OSBPL5: variants seen among roughly 807,000 people sequenced by gnomAD.
OSBPL5 encodes the protein oxysterol binding protein like 5, also known as oxysterol-binding protein-related protein 5.
Under a neutral mutation model 111.2 loss-of-function variants are expected in OSBPL5, and 71 were observed. That is an observed-to-expected ratio of 0.64 (90% confidence interval 0.53 to 0.78). OSBPL5 has a LOEUF of 0.78. Among genes scored for constraint, OSBPL5 ranks in the 30% least tolerant of loss-of-function variants. The pLI is 0.00. For missense variants in OSBPL5, 1,210 were observed against 1,189.3 expected (o/e 1.02, Z -0.26); for synonymous variants, 549 against 513.9 (o/e 1.07, Z -0.93).
Position 3,092,770 on chromosome 11 carries a change from G to T in OSBPL5, c.2132+97C>A. 1 of 1,423,382 alleles carries T rather than the reference G, an allele frequency of 7.0e-7. No individual in the cohort carries two copies. Among genetic ancestry groups the T allele is most frequent in the Non-Finnish European group, 9.3e-7 (1 of 1,070,100 alleles). 88.2% of individuals were successfully genotyped at this position (1,423,382 alleles called of 1,614,324 possible). On this transcript the variant is annotated intron_variant, in intron 18 of 21. Transcript: ENST00000263650. The surrounding 1 kb of genome is among the most constrained non-coding windows in gnomAD (Gnocchi z 5.4). ...CACCGACTCCTCCAGGGGACAGGCTGAAGGTGAGAGGGAAGCCAGGAGCCC... is the reference window on the plus strand; with the variant it reads ...CACCGACTCCTCCAGGGGACAGGCTTAAGGTGAGAGGGAAGCCAGGAGCCC...
intron 3 of OSBPL5, among the ~76,000 whole-genome samples, chr11:3,125,867 A>C (rs1346949265): frequency 6.6e-6 from 1 of 151,636 alleles, no homozygotes; most frequent in African/African-American, 2.4e-5. Flanking sequence ...CTGTAGTCCC[A>C]GCTCCTCGGG....
At chr11:3,155,461 T>A (rs1367824877) in intron 1 of OSBPL5, among the ~76,000 whole-genome samples, 1 of 143,222 alleles carries the variant, frequency 7.0e-6, no homozygotes, top group Non-Finnish European at 1.5e-5. Flanking sequence ...TCACCCTAGC[T>A]CTGCCACTCA....
chr11:3,103,905 C>CTCTGCAGT (rs1275438193), intron 10 of OSBPL5, among the ~76,000 whole-genome samples: 1 of 141,770 alleles, frequency 7.1e-6, no homozygotes, highest in African/African-American at 2.8e-5. Context: ...CCTCTGCAGC[C>CTCTGCAGT]CCCTTCCTGC....
At chr11:3,108,749 G>A (rs1417316305) in intron 7 of OSBPL5, among the ~76,000 whole-genome samples, 3 of 146,664 alleles carry the variant, frequency 2.0e-5, no homozygotes, top group African/African-American at 7.9e-5. Context: ...GCCTGTGACA[G>A]GTCACACTAT....
At chr11:3,163,770 C>G (rs1348443653) in intron 1 of OSBPL5, among the ~76,000 whole-genome samples, 2 of 152,236 alleles carry the variant, frequency 1.3e-5, no homozygotes, top group African/African-American at 2.4e-5. Context: ...CCTGGCAAGA[C>G]AGACACACGC....
intron 7 of OSBPL5, among the ~76,000 whole-genome samples, chr11:3,115,638 C>T (rs1477465534): frequency 6.6e-6 from 1 of 152,160 alleles, no homozygotes; most frequent in Non-Finnish European, 1.5e-5. Context: ...ATGTCAAAGG[C>T]ACACTGATGC....
chr11:3,102,115 C>T (rs1286412376), intron 12 of OSBPL5, 68 bp downstream of exon 12: 4 of 1,486,464 alleles, frequency 2.7e-6, no homozygotes, highest in Non-Finnish European at 3.7e-6. Context: ...CTGCCAGGGC[C>T]CCGCCCCCAC....
chr11:3,107,781 C>T lies in OSBPL5; in HGVS notation c.856G>A (p.Asp286Asn). The T allele has an allele frequency of 6.2e-7, 1 of 1,612,314 alleles. No individual in the cohort carries two copies. Among genetic ancestry groups the T allele is most frequent in the Non-Finnish European group, 8.5e-7 (1 of 1,179,954 alleles). The change falls in exon 8 of 22, where the codon GAC (aspartate) becomes AAC (asparagine). Residue 286 changes from aspartate (D) to asparagine (N), a missense_variant. By Grantham distance (23) the Asp-to-Asn change is conservative. Transcript: ENST00000263650. This position sits in a 1 kb window ranked among gnomAD's most constrained non-coding sequence, Gnocchi z 6.1. Reference sequence around the variant, plus strand: ...CCTCGCCCCACTCACGGGAACAGGTCTTGGTCTGGGTGGACGGTGGCTGAG... The same window carrying T: ...CCTCGCCCCACTCACGGGAACAGGTTTTGGTCTGGGTGGACGGTGGCTGAG... ...PASATVHPDQDLFPLNGSSLE... is the reference protein window; with the variant it reads ...PASATVHPDQNLFPLNGSSLE...
At chr11:3,127,216 C>T (rs772250993) in intron 2 of OSBPL5, among the ~76,000 whole-genome samples, 8 of 152,190 alleles carry the variant, frequency 5.3e-5, no homozygotes, top group East Asian at 1.9e-4. Flanking sequence ...CCAGCAGGGC[C>T]GCTCCCGCTG....
intron 1 of OSBPL5, among the ~76,000 whole-genome samples, chr11:3,133,538 T>C (rs1272566526): frequency 6.6e-6 from 1 of 150,880 alleles, no homozygotes; most frequent in Non-Finnish European, 1.5e-5. Flanking sequence ...GATGTGGCGG[T>C]CGCTCTCAGC....
chr11:3,098,883 A>G (rs1191183407), intron 14 of OSBPL5, among the ~76,000 whole-genome samples: 2 of 151,428 alleles, frequency 1.3e-5, no homozygotes, highest in African/African-American at 2.4e-5. Context: ...TGGCTCCTCA[A>G]AGCCTCTGCC....
Position 3,117,229 on chromosome 11 carries a change from C to G in OSBPL5, c.691+2318G>C, listed in dbSNP as rs111479999. 2.4e-3 allele frequency among the ~76,000 whole-genome samples: 355 copies of G among 145,402 alleles called. 2 individuals are homozygous for G. Among genetic ancestry groups the G allele is most frequent in the African/African-American group, 8.5e-3 (333 of 39,260 alleles). On this transcript the variant is annotated intron_variant, in intron 7 of 21. Coordinates refer to ENST00000263650, the MANE Select transcript of OSBPL5 (RefSeq NM_020896.4). ...TGACTTATGGAACCAATGAAAGCCC[C>G]TTGGAAAAACTGGCCTCATACCTCA...
chr11:3,103,787 C>CT lies in OSBPL5; in HGVS notation c.1244+405_1244+406insA, dbSNP rs1287439930. 5.8e-3 allele frequency among the ~76,000 whole-genome samples: 369 copies of CT among 63,850 alleles called. 4 individuals are homozygous for CT. Among genetic ancestry groups the CT allele is most frequent in the South Asian group, 0.041 (71 of 1,750 alleles). The allele number at this position is 63,850 out of a possible 152,430, so 41.9% of individuals were successfully genotyped here. On this transcript the variant is annotated intron_variant, in intron 10 of 21. Coordinates refer to ENST00000263650, the MANE Select transcript of OSBPL5 (RefSeq NM_020896.4). ...CAGCCCCCTTCCAGCCTCTGCAGTC[C>CT]CTTCCTGCCTCTGCAGCCCTCTTCC...
At chr11:3,160,182 G>C (rs1196036031) in intron 1 of OSBPL5, among the ~76,000 whole-genome samples, 1 of 152,180 alleles carries the variant, frequency 6.6e-6, no homozygotes, top group Non-Finnish European at 1.5e-5. Context: ...CATCCTGTAA[G>C]GAGGGCATCT....
chr11:3,122,481 T>G, intron 3 of OSBPL5, 53 bp from the exon 4 acceptor site: 1 of 1,565,252 alleles, frequency 6.4e-7, no homozygotes, highest in Non-Finnish European at 8.7e-7. Context: ...GGCCCAGGGC[T>G]AGGAGCCCAG....
Position 3,107,033 on chromosome 11 carries a change from G to A in OSBPL5, c.1059+230C>T, listed in dbSNP as rs558191285. Among the ~76,000 whole-genome samples the A allele has an allele frequency of 4.6e-5, 7 of 151,360 alleles. No individual in the cohort carries two copies. The South Asian group carries it at 8.4e-4, about 18-fold the overall frequency. ...TGCAGCAAACCCCTGCCCGATCCCC[G>A]CATCTGCATGCCAGCCAGCCAGCCA... On this transcript the variant is annotated intron_variant, in intron 9 of 21. Transcript: ENST00000263650. This position sits in a 1 kb window ranked among gnomAD's most constrained non-coding sequence, Gnocchi z 6.1.
chr11:3,121,644 T>C lies in OSBPL5; in HGVS notation c.402+353A>G, dbSNP rs889089701. Among the ~76,000 whole-genome samples, 2 of 152,176 alleles carry C rather than the reference T, an allele frequency of 1.3e-5. No individual in the cohort carries two copies. Among genetic ancestry groups the C allele is most frequent in the African/African-American group, 4.8e-5 (2 of 41,446 alleles). On this transcript the variant is annotated intron_variant, in intron 5 of 21. Transcript: ENST00000263650. This position sits in a 1 kb window ranked among gnomAD's most constrained non-coding sequence, Gnocchi z 4.3. ...CTGAACACAGGACACCCGGCCCTGA[T>C]GTGGGGTCCTCTCCCAGAAGCCAGA...
rs756646869 is a variant in OSBPL5, at chr11:3,110,636, C to T, written c.692-2691G>A. On this transcript the variant is annotated intron_variant, in intron 7 of 21. Coordinates refer to ENST00000263650, the MANE Select transcript of OSBPL5 (RefSeq NM_020896.4). The surrounding 1 kb of genome is among the most constrained non-coding windows in gnomAD (Gnocchi z 5.3). ...AACCCAAGCTGGGAACTGCTTAGGG[C>T]CAACCTGCCTCCCATTCTATTCCAA... Among the ~76,000 whole-genome samples the T allele has an allele frequency of 6.6e-6, 1 of 152,150 alleles. No individual in the cohort carries two copies. The highest frequency in any genetic ancestry group is 1.5e-5 in the Non-Finnish European group (1 of 68,036).
rs1857839861 is a variant in OSBPL5 at position 3,109,598 on chromosome 11, C to T, written c.692-1653G>A. ...GAGGGGCCTGCCTAGACAGTGGCTC[C>T]TGGGTCTCTAGAGCTGCCCTTCTCA... On this transcript the variant is annotated intron_variant, in intron 7 of 21. Coordinates refer to ENST00000263650, the MANE Select transcript of OSBPL5 (RefSeq NM_020896.4). This position sits in a 1 kb window ranked among gnomAD's most constrained non-coding sequence, Gnocchi z 7.4. Among the ~76,000 whole-genome samples, 1 of 151,964 alleles carries T rather than the reference C, an allele frequency of 6.6e-6. No homozygotes were observed. The highest frequency in any genetic ancestry group is 2.4e-5 in the African/African-American group (1 of 41,348).
Sources: gnomAD v4.1 joint callset for allele counts (sites outside exome capture counted in the v4.1 genomes callset) on GRCh38, gnomAD v4.1.1 for gene constraint, Gnocchi (gnomAD v3.1) non-coding constraint, MANE v1.5 for transcripts, NCBI Gene and HGNC (gene_info 2026-07-23, HGNC 2026-07-21) for gene names.